WWOX: variants seen among roughly 807,000 people sequenced by gnomAD.
The protein encoded by WWOX is WW domain containing oxidoreductase, also known as WW domain-containing oxidoreductase.
A neutral mutation model predicts 46.2 loss-of-function variants in WWOX; 69 were observed. The observed-to-expected ratio is 1.49, with a 90% CI of 1.23 to 1.82. The LOEUF (loss-of-function observed/expected upper bound fraction) is 1.82. WWOX is among the 40% of genes most tolerant of loss of function. The pLI, the probability that WWOX is intolerant of heterozygous loss-of-function variation, is 0.00. For missense variants in WWOX, 919 were observed against 542.6 expected (o/e 1.69, Z -6.89); for synonymous variants, 359 against 202.6 (o/e 1.77, Z -6.56).
chr16:79,071,088 A>G (rs770292684), intron 8 of WWOX, among the ~76,000 whole-genome samples: 5 of 152,182 alleles, frequency 3.3e-5, no homozygotes, highest in Non-Finnish European at 7.3e-5. Flanking sequence ...TTCTCTTTTT[A>G]TGATTCCCAT....
intron 3 of WWOX, among the ~76,000 whole-genome samples, chr16:78,112,539 G>A (rs1048098048): frequency 3.3e-5 from 5 of 152,146 alleles, no homozygotes; most frequent in African/African-American, 1.2e-4. Context: ...CCAGGAAGAC[G>A]GGGCTGTCTA....
chr16:78,916,717 T>C (rs1306178547), intron 8 of WWOX, among the ~76,000 whole-genome samples: 1 of 152,240 alleles, frequency 6.6e-6, no homozygotes, highest in Admixed American at 6.5e-5. Flanking sequence ...AAGTGATTCT[T>C]TCTAGGATAA....
chr16:79,151,984 G>T (rs928261491), intron 8 of WWOX, among the ~76,000 whole-genome samples: 10 of 152,316 alleles, frequency 6.6e-5, no homozygotes, highest in African/African-American at 2.4e-4. Flanking sequence ...AAAGGTCTCT[G>T]TTACGAAGGG....
intron 8 of WWOX, among the ~76,000 whole-genome samples, chr16:78,828,964 G>A (rs1030957979): frequency 6.6e-5 from 10 of 152,186 alleles, no homozygotes; most frequent in Admixed American, 4.6e-4. Flanking sequence ...TTGCCAAAGC[G>A]ACACAGCCAT....
At chr16:79,142,160 G>C (rs954056260) in intron 8 of WWOX, among the ~76,000 whole-genome samples, 4 of 152,068 alleles carry the variant, frequency 2.6e-5, no homozygotes, top group African/African-American at 9.7e-5. Context: ...TCTGTGTCAG[G>C]CCACAGTGTA....
intron 5 of WWOX, among the ~76,000 whole-genome samples, chr16:78,227,976 C>A (rs1326156725): frequency 6.6e-6 from 1 of 152,142 alleles, no homozygotes; most frequent in African/African-American, 2.4e-5. Context: ...CATTTCACCA[C>A]AAGATGTCAC....
intron 8 of WWOX, among the ~76,000 whole-genome samples, chr16:78,489,565 A>G (rs768719007): frequency 2.0e-5 from 3 of 152,210 alleles, no homozygotes; most frequent in South Asian, 2.1e-4. Context: ...CAAATGTTAC[A>G]TGTTTGAGCA....
intron 8 of WWOX, among the ~76,000 whole-genome samples, chr16:79,128,962 G>A (rs1597399496): frequency 1.3e-5 from 2 of 152,294 alleles, no homozygotes; most frequent in East Asian, 3.9e-4. Flanking sequence ...CATCACCAAA[G>A]GGGGCCAAGC....
chr16:78,100,155 G>T, intron 1 of WWOX: 1 of 1,310,416 alleles, frequency 7.6e-7, no homozygotes, highest in Non-Finnish European at 9.8e-7. Flanking sequence ...CGAGGGCAAA[G>T]CGGCCTCATC....
At chr16:78,885,632 C>G (rs2044439376) in intron 8 of WWOX, among the ~76,000 whole-genome samples, 1 of 152,112 alleles carries the variant, frequency 6.6e-6, no homozygotes, top group African/African-American at 2.4e-5. Context: ...TTTATTTGAG[C>G]AAGTTGCAAT....
chr16:78,797,637 C>T (rs911742210), intron 8 of WWOX, among the ~76,000 whole-genome samples: 9 of 152,106 alleles, frequency 5.9e-5, no homozygotes, highest in Non-Finnish European at 4.4e-5. Context: ...AAGATTCGTC[C>T]AGTCTCAAGG....
intron 8 of WWOX, among the ~76,000 whole-genome samples, chr16:78,741,248 C>A (rs571212844): frequency 1.3e-5 from 2 of 152,258 alleles, no homozygotes; most frequent in East Asian, 3.9e-4. Context: ...CTTAGCATTG[C>A]CATGTTTAGC....
chr16:78,668,327 C>A (rs1314068028), intron 8 of WWOX, among the ~76,000 whole-genome samples: 1 of 152,128 alleles, frequency 6.6e-6, no homozygotes, highest in Non-Finnish European at 1.5e-5. Context: ...TACCCCCACG[C>A]CTGTCTTTTC....
chr16:79,124,497 C>G (rs540145172), intron 8 of WWOX, among the ~76,000 whole-genome samples: 6 of 152,296 alleles, frequency 3.9e-5, no homozygotes, highest in African/African-American at 9.6e-5. Flanking sequence ...GCGGCTCTGT[C>G]TGACCTGTCA....
At chr16:79,055,252 C>T (rs1209746305) in intron 8 of WWOX, among the ~76,000 whole-genome samples, 1 of 151,096 alleles carries the variant, frequency 6.6e-6, no homozygotes, top group Admixed American at 6.6e-5. Context: ...ATTAGCCAGC[C>T]TTTCTAATTA....
At chr16:78,378,705 G>T (rs772151293) in intron 5 of WWOX, among the ~76,000 whole-genome samples, 6 of 152,102 alleles carry the variant, frequency 3.9e-5, no homozygotes, top group Non-Finnish European at 7.3e-5. Context: ...AAAGCGGAAG[G>T]GTGAGAGACA....
chr16:78,162,066 C>T (rs1567606363), intron 4 of WWOX, among the ~76,000 whole-genome samples: 1 of 152,266 alleles, frequency 6.6e-6, no homozygotes, highest in East Asian at 1.9e-4. Context: ...TAGCTAAGGT[C>T]ATTTTCCTCC....
chr16:78,453,048 A>AT (rs200934660), intron 8 of WWOX, among the ~76,000 whole-genome samples: 9,781 of 151,118 alleles, frequency 0.065, 354 homozygotes, highest in East Asian at 0.09. Flanking sequence ...TGCCTGGATA[A>AT]TTTTTTGTAT....
At chr16:78,130,090 C>G (rs910527758) in intron 4 of WWOX, 2 of 152,190 alleles carry the variant, frequency 1.3e-5, no homozygotes, top group Admixed American at 1.3e-4. Context: ...GACGTGTTTG[C>G]TTCCTCTCCT....
Sources: gnomAD v4.1 joint callset for allele counts (sites outside exome capture counted in the v4.1 genomes callset) on GRCh38, gnomAD v4.1.1 for gene constraint, MANE v1.5 for transcripts, NCBI Gene and HGNC (gene_info 2026-07-23, HGNC 2026-07-21) for gene names.